DIS3L: variants seen among roughly 807,000 people sequenced by gnomAD.
The protein encoded by DIS3L is DIS3-like exonuclease 1.
In DIS3L, 100 loss-of-function variants were observed where a neutral mutation model predicts 120.3. That is an observed-to-expected ratio of 0.83 (90% CI 0.71 to 0.98). The LOEUF is 0.98. Among genes scored for constraint, DIS3L ranks in the 50% least tolerant of loss-of-function variants. DIS3L has a pLI of 0.00. For synonymous variants in DIS3L, 426 were observed against 470.6 expected (o/e 0.91, Z 1.23); for missense variants, 1,196 against 1,314.2 (o/e 0.91, Z 1.39).
Position 66,294,330 on chromosome 15 carries a change from C to T in DIS3L, c.139+595C>T, listed in dbSNP as rs538638015. On this transcript the variant is annotated intron_variant, in intron 1 of 16. Transcript: ENST00000319212. ...GGGCCCCAGTCCTTGGTTTCTAGGCCACAAGGGTGGCCGATAGAACGATGC... is the reference window on the plus strand; with the variant it reads ...GGGCCCCAGTCCTTGGTTTCTAGGCTACAAGGGTGGCCGATAGAACGATGC... The T allele has an allele frequency of 4.1e-6, 4 of 985,524 alleles. No individual in the cohort carries two copies. In the South Asian group the frequency reaches 1.9e-4, roughly 46 times the overall value. The allele number at this position is 985,524 out of a possible 1,614,324, so 61.0% of individuals were successfully genotyped here.
At chr15:66,324,263 G>A (rs188638350) in intron 11 of DIS3L, among the ~76,000 whole-genome samples, 1 of 152,244 alleles carries the variant, frequency 6.6e-6, no homozygotes, top group East Asian at 1.9e-4. Flanking sequence ...TGGAAATTTG[G>A]ATAGTTTCCA....
At position 66,331,917 on chromosome 15, in the gene DIS3L, T is replaced by C; in HGVS notation, c.2578T>C (p.Cys860Arg). 1 of 1,613,178 alleles carries C rather than the reference T, an allele frequency of 6.2e-7. No homozygotes were observed. Among genetic ancestry groups the C allele is most frequent in the Non-Finnish European group, 8.5e-7 (1 of 1,179,504 alleles). ...SQKQSTELFQ[C>R]MYFKDKDPAT... The stretch of plus-strand genomic sequence containing the variant: ...GAAGCAGTCTACTGAGCTCTTCCAG[T>C]GCATGTACTTCAAAGACAAAGACCC... Residue 860 changes from cysteine to arginine, a missense_variant, in exon 15 of 17, where the codon TGC becomes CGC. Transcript: ENST00000319212.
At chr15:66,319,952 TAAAAAAAAAA>T (rs34195061) in intron 8 of DIS3L, among the ~76,000 whole-genome samples, 1 of 108,046 alleles carries the variant, frequency 9.3e-6, no homozygotes, top group East Asian at 2.6e-4. Flanking sequence ...CCATTTCTAC[TAAAAAAAAAA>T]AAAAAAAAAA....
chr15:66,309,094 A>AAAAAAAAAAAATATATATATAT, intron 4 of DIS3L, among the ~76,000 whole-genome samples: 8 of 15,318 alleles, frequency 5.2e-4, no homozygotes, highest in African/African-American at 1.2e-3. Context: ...AAAAAAAAAA[A>AAAAAAAAAAAATATATATATAT]ATATATATAT....
rs150508973 is a variant in DIS3L, at chr15:66,328,995, C to G, written c.2227C>G (p.Leu743Val). The change falls in exon 13 of 17, where the codon CTG (leucine) becomes GTG (valine). Residue 743 changes from leucine (L) to valine (V), a missense_variant. Leu to Val is a conservative substitution (Grantham distance 32). Transcript: ENST00000319212. ...GTCCAATAAAACACTGGCTGATTCT[C>G]TGGATAATGCGAACGACCCCCACGA... The part of the protein sequence containing the change: ...TRSNKTLADS[L>V]DNANDPHDPI... 22 of 1,612,918 alleles carry G rather than the reference C, an allele frequency of 1.4e-5. No homozygotes were observed. The highest frequency in any genetic ancestry group is 1.3e-5 in the Non-Finnish European group (15 of 1,179,786).
chr15:66,320,464 A>T, intron 8 of DIS3L, 107 bp from the exon 9 acceptor site: 1 of 1,257,140 alleles, frequency 8.0e-7, no homozygotes, highest in Non-Finnish European at 1.1e-6. Flanking sequence ...GCACCTGGCC[A>T]CTCTCCTTGG....
At chr15:66,332,137 TA>T in intron 15 of DIS3L, 117 bp downstream of exon 15, 1 of 1,033,226 alleles carries the variant, frequency 9.7e-7, no homozygotes, top group South Asian at 1.9e-5. Flanking sequence ...CATATGTACA[TA>T]ATGTAATGTA....
rs1418307537 is a variant in DIS3L, at chr15:66,333,113, C to G, written c.2966C>G (p.Ser989Cys). The G allele has an allele frequency of 6.2e-7, 1 of 1,613,168 alleles. No individual in the cohort carries two copies. The highest frequency in any genetic ancestry group is 1.3e-5 in the African/African-American group (1 of 74,858). ...AATACAGAACTTATTCATCAGAGTT[C>G]CCCCTTGCTGAAGAGTGAGTTAGTG... ...IPNTELIHQS[S>C]PLLKSELVKE... is the part of the protein sequence containing the mutation. Residue 989 changes from serine to cysteine, a missense_variant, in exon 17 of 17, where the codon TCC becomes TGC. Ser to Cys is a moderately radical substitution (Grantham distance 112, BLOSUM62 -1). Coordinates refer to ENST00000319212, the MANE Select transcript of DIS3L (RefSeq NM_001143688.3).
At chr15:66,321,148 T>G (rs1566952546) in intron 9 of DIS3L, among the ~76,000 whole-genome samples, 1 of 152,112 alleles carries the variant, frequency 6.6e-6, no homozygotes, top group East Asian at 1.9e-4. Context: ...AACCCATGGG[T>G]CAAAAATTAT....
In DIS3L at chr15:66,318,557, C is replaced by T. The variant is rs751011509; in HGVS notation, c.1103C>T (p.Thr368Ile). Residue 368 changes from threonine (T) to isoleucine (I), a missense_variant, in exon 8 of 17, where the codon ACA becomes ATA. By Grantham distance (89) the Thr-to-Ile change is moderately conservative (BLOSUM62 -1). Transcript: ENST00000319212. The stretch of plus-strand genomic sequence containing the variant: ...AAAAATGCTCAGAAAATCCTGGTTA[C>T]ACCTTGGGATTACAGAATTCCCAAA... ...QGKNAQKILV[T>I]PWDYRIPKIR... The T allele has an allele frequency of 1.2e-6, 2 of 1,613,958 alleles. No individual in the cohort carries two copies. Among genetic ancestry groups the T allele is most frequent in the African/African-American group, 2.7e-5 (2 of 74,882 alleles).
intron 2 of DIS3L, among the ~76,000 whole-genome samples, chr15:66,295,790 G>A (rs1308575548): frequency 6.6e-6 from 1 of 152,184 alleles, no homozygotes; most frequent in African/African-American, 2.4e-5. Flanking sequence ...GTTGGGAAAG[G>A]TTTATGACTT....
chr15:66,325,675 T>C (rs2092927936), intron 11 of DIS3L, among the ~76,000 whole-genome samples, 156 bp from the exon 12 acceptor site: 1 of 152,074 alleles, frequency 6.6e-6, no homozygotes, highest in South Asian at 2.1e-4. Context: ...GCAGGAGAAT[T>C]GCTCAAGTCC....
chr15:66,329,607 C>A, intron 14 of DIS3L: 1 of 1,258,294 alleles, frequency 7.9e-7, no homozygotes, highest in Non-Finnish European at 1.0e-6. Context: ...TTTTTTTTTC[C>A]GAAAGGTGGA....
intron 9 of DIS3L, among the ~76,000 whole-genome samples, chr15:66,322,169 C>G (rs1340792048): frequency 1.3e-5 from 2 of 152,096 alleles, no homozygotes; most frequent in African/African-American, 4.8e-5. Context: ...TTTCTCTTCC[C>G]TTTTAGCCTA....
chr15:66,332,197 C>G (rs1369862795), intron 15 of DIS3L, among the ~76,000 whole-genome samples, 177 bp downstream of exon 15: 1 of 152,174 alleles, frequency 6.6e-6, no homozygotes, highest in African/African-American at 2.4e-5. Context: ...TGGCTCACGC[C>G]TATAATCCCA....
intron 8 of DIS3L, 51 bp from the exon 9 acceptor site, chr15:66,320,520 C>A (rs1421263187): frequency 1.2e-5 from 18 of 1,552,614 alleles, no homozygotes; most frequent in African/African-American, 9.6e-5. Context: ...CTCTAATTGA[C>A]CCACTTAACT....
chr15:66,319,049 CAA>C (rs1250083029), intron 8 of DIS3L, among the ~76,000 whole-genome samples: 1 of 152,170 alleles, frequency 6.6e-6, no homozygotes, highest in Non-Finnish European at 1.5e-5. Context: ...CTCCACCTCC[CAA>C]AGTGTTGGAA....
chr15:66,320,939 T>C (rs556660796), intron 9 of DIS3L, among the ~76,000 whole-genome samples: 3 of 152,336 alleles, frequency 2.0e-5, no homozygotes, highest in African/African-American at 4.8e-5. Context: ...TATAGCCTCA[T>C]AGCTCTCAAA....
intron 7 of DIS3L, among the ~76,000 whole-genome samples, chr15:66,318,069 G>C (rs928306386): frequency 1.3e-5 from 2 of 152,102 alleles, no homozygotes; most frequent in African/African-American, 2.4e-5. Flanking sequence ...CGCCTCCCAG[G>C]TTCAGGCGAT....
Sources: allele counts gnomAD v4.1 joint callset (sites outside exome capture counted in the v4.1 genomes callset), GRCh38; gene constraint gnomAD v4.1.1; transcripts MANE v1.5; gene names NCBI Gene and HGNC (gene_info 2026-07-23, HGNC 2026-07-21).